The following SLC4A10 variants were observed in gnomAD, a reference collection of about 807,000 sequenced individuals.
The protein encoded by SLC4A10 is solute carrier family 4 member 10.
A neutral mutation model predicts 137.7 loss-of-function variants in SLC4A10; 42 were observed. The observed-to-expected ratio is 0.30, with a 90% CI of 0.24 to 0.39. The LOEUF is 0.39. SLC4A10 is among the 10% of genes least tolerant of loss of function. The pLI, the probability that SLC4A10 is intolerant of heterozygous loss-of-function variation, is 1.00. For synonymous variants in SLC4A10, 474 were observed against 464.1 expected (o/e 1.02, Z -0.27); for missense variants, 925 against 1,355.0 (o/e 0.68, Z 4.98).
rs2061608346 is a variant in SLC4A10 at position 161,879,233 on chromosome 2, AG to A, written c.1053del (p.Arg351SerfsTer44). 6.2e-7 allele frequency: 1 copy of A among 1,613,324 alleles called. No individual in the cohort carries two copies. The highest frequency in any genetic ancestry group is 8.5e-7 in the Non-Finnish European group (1 of 1,179,416). Reference protein sequence around the residue: ...FLDRTVVAFVRLSPAVLLQGL... With the variant: ...FLDRTVVAFVXLSPAVLLQGL... The stretch of plus-strand genomic sequence containing the variant: ...GGATCGAACAGTAGTTGCGTTTGTC[AG>A]GTTGTCTCCAGCTGTATTGCTTCAA... On this transcript the variant is annotated frameshift_variant, in exon 9 of 27. Coordinates refer to ENST00000446997, the MANE Select transcript of SLC4A10 (RefSeq NM_001178015.2). LOFTEE classifies it high-confidence loss of function.
At chr2:161,929,330 C>T (rs957416387) in intron 15 of SLC4A10, among the ~76,000 whole-genome samples, 1 of 152,164 alleles carries the variant, frequency 6.6e-6, no homozygotes, top group Non-Finnish European at 1.5e-5. Flanking sequence ...GGTTAGGAAC[C>T]GAGGCAGATC....
intron 15 of SLC4A10, among the ~76,000 whole-genome samples, chr2:161,925,981 C>T (rs1339596174): frequency 5.3e-5 from 8 of 151,936 alleles, no homozygotes; most frequent in African/African-American, 1.9e-4. Flanking sequence ...ACTATGTGGT[C>T]AATTTTGGAA....
intron 1 of SLC4A10, among the ~76,000 whole-genome samples, chr2:161,654,338 A>C (rs892957017): frequency 2.0e-5 from 3 of 151,694 alleles, no homozygotes; most frequent in Admixed American, 6.6e-5. Flanking sequence ...TTGCGTTTTC[A>C]CTCTGTGGAG....
intron 19 of SLC4A10, among the ~76,000 whole-genome samples, chr2:161,956,113 A>G (rs998136523): frequency 5.9e-5 from 9 of 152,192 alleles, no homozygotes; most frequent in African/African-American, 2.2e-4. Context: ...TTATTGTTTA[A>G]CCACTAGAAT....
At chr2:161,630,574 T>C (rs1361429220) in intron 1 of SLC4A10, among the ~76,000 whole-genome samples, 1 of 151,772 alleles carries the variant, frequency 6.6e-6, no homozygotes, top group African/African-American at 2.4e-5. Flanking sequence ...CTACTTATGA[T>C]GCTAGTTAAT....
At chr2:161,953,122 T>TATC (rs1420519640) in intron 19 of SLC4A10, among the ~76,000 whole-genome samples, 2 of 152,214 alleles carry the variant, frequency 1.3e-5, no homozygotes. Context: ...TCATGTTTTG[T>TATC]AGTTTATGTA....
intron 2 of SLC4A10, among the ~76,000 whole-genome samples, chr2:161,793,876 C>T (rs1574997322): frequency 6.6e-6 from 1 of 152,126 alleles, no homozygotes; most frequent in East Asian, 1.9e-4. Context: ...TAAGATTATG[C>T]ATGTTTTTCT....
chr2:161,849,144 T>G (rs1430403836), intron 4 of SLC4A10, among the ~76,000 whole-genome samples: 1 of 152,192 alleles, frequency 6.6e-6, no homozygotes, highest in Non-Finnish European at 1.5e-5. Context: ...TATTCCTAGG[T>G]ATTTTATGAT....
intron 1 of SLC4A10, among the ~76,000 whole-genome samples, chr2:161,751,799 C>G (rs2049013436): frequency 6.6e-6 from 1 of 151,784 alleles, no homozygotes; most frequent in Non-Finnish European, 1.5e-5. Flanking sequence ...TAAATGAAGA[C>G]TTTAGTGTCA....
chr2:161,707,437 G>GTAGT (rs1322825617), intron 1 of SLC4A10, among the ~76,000 whole-genome samples: 1 of 150,830 alleles, frequency 6.6e-6, no homozygotes, highest in Non-Finnish European at 1.5e-5. Flanking sequence ...AATTTTGAAT[G>GTAGT]TAGTTGAATT....
intron 2 of SLC4A10, among the ~76,000 whole-genome samples, chr2:161,787,452 T>G (rs2053750718): frequency 6.6e-6 from 1 of 152,158 alleles, no homozygotes; most frequent in Non-Finnish European, 1.5e-5. Context: ...TTCTTTTATC[T>G]GGATGTCTAC....
intron 18 of SLC4A10, 65 bp from the exon 19 acceptor site, chr2:161,950,622 G>T: frequency 6.7e-7 from 1 of 1,489,360 alleles, no homozygotes; most frequent in Non-Finnish European, 9.1e-7. Context: ...GCATCTGTAA[G>T]ACCTAATTTG....
chr2:161,814,754 T>C (rs1183660148), intron 3 of SLC4A10, among the ~76,000 whole-genome samples: 1 of 151,996 alleles, frequency 6.6e-6, no homozygotes, highest in African/African-American at 2.4e-5. Context: ...CAATAGACAC[T>C]GGAAACCACC....
intron 3 of SLC4A10, among the ~76,000 whole-genome samples, chr2:161,810,264 G>A (rs1309841704): frequency 6.6e-6 from 1 of 151,864 alleles, no homozygotes; most frequent in Non-Finnish European, 1.5e-5. Flanking sequence ...TTGCCTTTTG[G>A]TGGAGTCTTT....
intron 1 of SLC4A10, among the ~76,000 whole-genome samples, chr2:161,659,535 G>A (rs762194429): frequency 6.6e-6 from 1 of 152,004 alleles, no homozygotes; most frequent in African/African-American, 2.4e-5. Context: ...TACTTTATGG[G>A]TACATGTGTA....
intron 3 of SLC4A10, among the ~76,000 whole-genome samples, chr2:161,817,638 T>C (rs953254788): frequency 1.3e-5 from 2 of 152,296 alleles, no homozygotes; most frequent in African/African-American, 4.8e-5. Flanking sequence ...CTTTAATCCA[T>C]CTTGAATTAA....
chr2:161,718,373 G>A (rs1380505749), intron 1 of SLC4A10, among the ~76,000 whole-genome samples: 1 of 151,896 alleles, frequency 6.6e-6, no homozygotes, highest in African/African-American at 2.4e-5. Context: ...TCTGTAAATA[G>A]TTCTTTCAGT....
chr2:161,786,017 T>G (rs558957275), intron 2 of SLC4A10, among the ~76,000 whole-genome samples: 1 of 152,076 alleles, frequency 6.6e-6, no homozygotes, highest in South Asian at 2.1e-4. Flanking sequence ...ATCATTGGGA[T>G]GTTGAAGTCC....
chr2:161,968,005 A>G (rs1049281672), intron 23 of SLC4A10, among the ~76,000 whole-genome samples: 2 of 151,332 alleles, frequency 1.3e-5, no homozygotes, highest in Non-Finnish European at 2.9e-5. Context: ...CCCCAGACAT[A>G]TAATCATCTC....
Sources: allele counts gnomAD v4.1 joint callset (sites outside exome capture counted in the v4.1 genomes callset), GRCh38; gene constraint gnomAD v4.1.1; transcripts MANE v1.5; gene names NCBI Gene and HGNC (gene_info 2026-07-23, HGNC 2026-07-21).